The following IKZF2 variants were observed in gnomAD, a reference collection of about 807,000 sequenced individuals.
IKZF2 encodes IKAROS family zinc finger 2.
A neutral mutation model predicts 49.2 loss-of-function variants in IKZF2; 15 were observed. The ratio of observed to expected loss-of-function variants is 0.30; its 90% CI spans 0.20 to 0.47. The LOEUF is 0.47. IKZF2 is among the 20% of genes least tolerant of loss of function. The probability of loss-of-function intolerance (pLI) is 1.00; values close to 1 mark genes in which losing one functional copy is unlikely to be tolerated. For missense variants in IKZF2, 567 were observed against 664.6 expected (o/e 0.85, Z 1.61); for synonymous variants, 227 against 221.4 (o/e 1.03, Z -0.23).
chr2:213,041,119 GA>G (rs796902329), intron 6 of IKZF2, among the ~76,000 whole-genome samples: 47 of 137,390 alleles, frequency 3.4e-4, no homozygotes, highest in Admixed American at 8.0e-4. Flanking sequence ...CCCTGTCTCA[GA>G]AAAAAAAAAA....
chr2:213,099,488 C>T (rs79726235), intron 4 of IKZF2, among the ~76,000 whole-genome samples: 5,359 of 152,176 alleles, frequency 0.035, 120 homozygotes, highest in South Asian at 0.07. Flanking sequence ...TCAAGAGCAA[C>T]GTACGTGATG....
chr2:213,104,450 G>A (rs1023370632), intron 4 of IKZF2, among the ~76,000 whole-genome samples: 5 of 152,068 alleles, frequency 3.3e-5, no homozygotes, highest in Non-Finnish European at 7.4e-5. Context: ...AGAAAAAAGA[G>A]TTTCATTCTT....
chr2:213,023,534 G>C (rs1697462849), intron 6 of IKZF2, among the ~76,000 whole-genome samples: 3 of 152,218 alleles, frequency 2.0e-5, no homozygotes, highest in Admixed American at 2.0e-4. Flanking sequence ...TGCAGAACTT[G>C]TATCACCATG....
At chr2:213,067,171 T>C (rs1234716608) in intron 4 of IKZF2, among the ~76,000 whole-genome samples, 3 of 152,120 alleles carry the variant, frequency 2.0e-5, no homozygotes. Context: ...AGGGTTGTCC[T>C]GAGTATTAAA....
At chr2:213,109,294 A>T (rs933460844) in intron 4 of IKZF2, among the ~76,000 whole-genome samples, 1 of 151,728 alleles carries the variant, frequency 6.6e-6, no homozygotes, top group Non-Finnish European at 1.5e-5. Flanking sequence ...TATTTTACTC[A>T]AATAAATCAA....
rs140735869 is a variant in IKZF2 at position 213,081,699 on chromosome 2, A to G, written c.140-24600T>C. On this transcript the variant is annotated intron_variant, in intron 4 of 8. Transcript: ENST00000434687. ...GCAATGGAGTATGAAAAATGGAGTG[A>G]TCATCAGGTACCAGTCATGGGGAAA... Among the ~76,000 whole-genome samples the G allele has an allele frequency of 8.6e-4, 131 of 152,296 alleles. 1 individual carries two copies. The highest frequency in any genetic ancestry group is 5.0e-3 in the Admixed American group (77 of 15,294).
At chr2:213,107,827 C>G (rs2059582037) in intron 4 of IKZF2, among the ~76,000 whole-genome samples, 1 of 152,142 alleles carries the variant, frequency 6.6e-6, no homozygotes, top group Non-Finnish European at 1.5e-5. Context: ...CACGACAGAA[C>G]ACAATGCATG....
At chr2:213,137,443 G>C (rs1377673435) in intron 4 of IKZF2, among the ~76,000 whole-genome samples, 1 of 151,998 alleles carries the variant, frequency 6.6e-6, no homozygotes, top group African/African-American at 2.4e-5. Context: ...CCTATTTTTA[G>C]TACCTAAAAA....
chr2:213,132,119 G>A (rs1005510990), intron 4 of IKZF2, among the ~76,000 whole-genome samples: 1 of 152,038 alleles, frequency 6.6e-6, no homozygotes, highest in Non-Finnish European at 1.5e-5. Context: ...TACAAATGAG[G>A]TAACTAAAAC....
chr2:213,059,307 C>G (rs1701462883), intron 4 of IKZF2, among the ~76,000 whole-genome samples: 1 of 151,612 alleles, frequency 6.6e-6, no homozygotes, highest in African/African-American at 2.4e-5. Context: ...TGGTTTATCT[C>G]TTTACTCAAG....
intron 4 of IKZF2, among the ~76,000 whole-genome samples, chr2:213,066,635 A>C (rs744269): frequency 0.022 from 3,350 of 152,180 alleles, 131 homozygotes; most frequent in African/African-American, 0.076. Context: ...ATTAAGGGGA[A>C]TTAAAGCAAT....
intron 6 of IKZF2, among the ~76,000 whole-genome samples, chr2:213,035,084 G>C (rs1357590703): frequency 6.6e-6 from 1 of 152,032 alleles, no homozygotes; most frequent in Non-Finnish European, 1.5e-5. Flanking sequence ...TTTCTTACTT[G>C]GATCTCAAAT....
At chr2:213,048,603 A>C (rs1389283300) in intron 6 of IKZF2, among the ~76,000 whole-genome samples, 1 of 152,084 alleles carries the variant, frequency 6.6e-6, no homozygotes, top group Admixed American at 6.6e-5. Context: ...GTTGGAAGTA[A>C]GTGAATTCCT....
intron 4 of IKZF2, among the ~76,000 whole-genome samples, chr2:213,114,982 C>T (rs1321022168): frequency 1.3e-5 from 2 of 151,522 alleles, no homozygotes; most frequent in Non-Finnish European, 2.9e-5. Flanking sequence ...AGAATGAAGG[C>T]AAATGCACGT....
intron 4 of IKZF2, among the ~76,000 whole-genome samples, chr2:213,143,809 A>G (rs2060953948): frequency 6.6e-6 from 1 of 151,928 alleles, no homozygotes; most frequent in Non-Finnish European, 1.5e-5. Context: ...AGATAATCTG[A>G]TATCACTCCA....
At chr2:213,059,731 T>G (rs1168791759) in intron 4 of IKZF2, among the ~76,000 whole-genome samples, 1 of 151,486 alleles carries the variant, frequency 6.6e-6, no homozygotes, top group Non-Finnish European at 1.5e-5. Context: ...ATGACTGACA[T>G]TACACTACTA....
chr2:213,086,162 T>G (rs1266532366), intron 4 of IKZF2, among the ~76,000 whole-genome samples: 1 of 152,196 alleles, frequency 6.6e-6, no homozygotes, highest in Non-Finnish European at 1.5e-5. Context: ...CCTAAAACAC[T>G]GTACTAGTGA....
intron 4 of IKZF2, among the ~76,000 whole-genome samples, chr2:213,085,714 G>A (rs994303742): frequency 2.0e-5 from 3 of 152,262 alleles, no homozygotes; most frequent in Admixed American, 6.5e-5. Flanking sequence ...GAGGCAACAC[G>A]ATGTTGGGTC....
intron 6 of IKZF2, among the ~76,000 whole-genome samples, chr2:213,043,206 A>ACACACC (rs1553555816): frequency 6.6e-6 from 1 of 150,732 alleles, no homozygotes; most frequent in African/African-American, 2.4e-5. Context: ...ACACACACAC[A>ACACACC]CCCCTAGTAT....
Sources: gnomAD v4.1 joint callset for allele counts (sites outside exome capture counted in the v4.1 genomes callset) on GRCh38, gnomAD v4.1.1 for gene constraint, MANE v1.5 for transcripts, NCBI Gene and HGNC (gene_info 2026-07-23, HGNC 2026-07-21) for gene names.